EPG5: variants seen among roughly 807,000 people sequenced by gnomAD.
EPG5 encodes ectopic P-granules 5 autophagy tethering factor, also known as ectopic P granules protein 5 homolog.
Under a neutral mutation model 302.7 loss-of-function variants are expected in EPG5, and 159 were observed. The observed-to-expected ratio is 0.53, with a 90% CI of 0.46 to 0.60. The LOEUF is 0.60. Among genes scored for constraint, EPG5 ranks in the 20% least tolerant of loss-of-function variants. The pLI is 0.00. For missense variants in EPG5, 2,896 were observed against 3,092.4 expected (o/e 0.94, Z 1.51); for synonymous variants, 1,158 against 1,136.8 (o/e 1.02, Z -0.37).
rs756684551 is a variant in EPG5, at chr18:45,967,183, T to C, written c.57A>G (p.Lys19=). 36 of 1,603,114 alleles carry C rather than the reference T, an allele frequency of 2.2e-5. 1 individual carries two copies. In the African/African-American group the frequency reaches 3.1e-4, roughly 14 times the overall value. The change falls in exon 1 of 44, where the codon AAA becomes AAG. Residue 19 remains lysine, a synonymous_variant. Transcript: ENST00000282041. ...RRAKAKASRT[K]TKEKKKYETP... ...GGGTGGGGGAGATCCTCACCTTTGT[T>C]TTAGTCCGGCTGGCCTTGGCCTTGG... is the stretch of plus-strand genomic sequence containing the variant.
chr18:45,837,087 C>T, the EPG5 span: 2 of 1,612,382 alleles, frequency 1.2e-6, no homozygotes, highest in African/African-American at 1.3e-5. Context: ...CAGAGGTGCA[C>T]AGTAAGTGCT....
At position 45,857,773 on chromosome 18, in the gene EPG5, G is replaced by A. The variant is rs566830711; in HGVS notation, c.7442+80C>T. On this transcript the variant is annotated intron_variant, in intron 42 of 43. Coordinates refer to ENST00000282041, the MANE Select transcript of EPG5 (RefSeq NM_020964.3). The stretch of plus-strand genomic sequence containing the variant: ...TAGATCCTAAGTCGAAAAACCTACT[G>A]AAGTATATCACAACCTGTAAGTAGG... 1.5e-4 allele frequency: 163 copies of A among 1,091,998 alleles called. No homozygotes were observed. In the African/African-American group the frequency reaches 1.9e-3, roughly 12 times the overall value. 67.6% of individuals were successfully genotyped at this position (1,091,998 alleles called of 1,614,324 possible). A position where few individuals can be genotyped will look rare whatever the true frequency, so the allele number is the denominator to read the frequency against.
At chr18:45,838,827 G>C in the EPG5 span, 1 of 1,563,838 alleles carries the variant, frequency 6.4e-7, no homozygotes, top group Admixed American at 1.8e-5. Flanking sequence ...GGTCCGGCCC[G>C]GCCCTGGGCA....
intron 21 of EPG5, among the ~76,000 whole-genome samples, chr18:45,912,777 G>T (rs1335676771): frequency 6.6e-6 from 1 of 152,158 alleles, no homozygotes; most frequent in Non-Finnish European, 1.5e-5. Flanking sequence ...TAGTGCAAGG[G>T]AATAGAAAGA....
At chr18:45,913,909 A>G (rs2049969239) in intron 20 of EPG5, 81 bp from the exon 21 acceptor site, 1 of 1,531,034 alleles carries the variant, frequency 6.5e-7, no homozygotes, top group African/African-American at 1.4e-5. Flanking sequence ...CCACAATTTA[A>G]ATCTCTTCCT....
intron 42 of EPG5, among the ~76,000 whole-genome samples, chr18:45,856,404 T>C (rs1014944487): frequency 1.3e-3 from 200 of 152,314 alleles, no homozygotes; most frequent in African/African-American, 4.6e-3. Context: ...TTAAAGGGAA[T>C]GGAGGTGACT....
chr18:45,911,051 G>GAATC (rs1259738843), intron 22 of EPG5, among the ~76,000 whole-genome samples: 1 of 143,028 alleles, frequency 7.0e-6, no homozygotes, highest in Non-Finnish European at 1.5e-5. Flanking sequence ...AAGCGACTAA[G>GAATC]AATCTATCTA....
chr18:45,860,062 GA>G, intron 40 of EPG5, 41 bp downstream of exon 40: 2 of 1,605,806 alleles, frequency 1.2e-6, no homozygotes, highest in Non-Finnish European at 1.7e-6. Context: ...CATCTTTCTG[GA>G]AAAGACCAAT....
intron 31 of EPG5, 89 bp from the exon 32 acceptor site, chr18:45,880,312 G>A: frequency 8.0e-7 from 1 of 1,251,768 alleles, no homozygotes; most frequent in Non-Finnish European, 1.1e-6. Flanking sequence ...CCTTATAAAG[G>A]AATAAAAATA....
chr18:45,897,900 C>A (rs1267928091), intron 27 of EPG5, among the ~76,000 whole-genome samples: 5 of 152,046 alleles, frequency 3.3e-5, no homozygotes, highest in Non-Finnish European at 5.9e-5. Context: ...GAAAGACAAA[C>A]AAGAGGGAGT....
chr18:45,839,106 C>G, the EPG5 span: 7 of 1,378,896 alleles, frequency 5.1e-6, no homozygotes, highest in Non-Finnish European at 5.6e-6. Flanking sequence ...GTGGGTGCGC[C>G]CCAGACACGG....
the EPG5 span, among the ~76,000 whole-genome samples, chr18:45,804,968 ATTGCAAGGT>A: frequency 6.6e-6 from 1 of 152,168 alleles, no homozygotes; most frequent in East Asian, 1.9e-4. Context: ...GACCTATACG[ATTGCAAGGT>A]TTGCATATTT....
At chr18:45,814,154 A>C in the EPG5 span, among the ~76,000 whole-genome samples, 1 of 152,186 alleles carries the variant, frequency 6.6e-6, no homozygotes, top group Non-Finnish European at 1.5e-5. Context: ...CACCAATAAC[A>C]AGCCAGACAG....
At chr18:45,921,738 C>T (rs2050157794) in intron 16 of EPG5, among the ~76,000 whole-genome samples, 1 of 152,012 alleles carries the variant, frequency 6.6e-6, no homozygotes, top group Non-Finnish European at 1.5e-5. Flanking sequence ...CACATGTTCT[C>T]ACTCATAGGT....
the EPG5 span, among the ~76,000 whole-genome samples, chr18:45,816,655 C>T: frequency 1.3e-5 from 2 of 152,200 alleles, no homozygotes; most frequent in African/African-American, 4.8e-5. Context: ...AGAGGGAACA[C>T]TTCCACGCTG....
rs753791472 is a variant in EPG5 at position 45,879,185 on chromosome 18, G to A, written c.5697C>T (p.Asp1899=). 3.2e-5 allele frequency: 52 copies of A among 1,613,558 alleles called. No individual in the cohort carries two copies. Among genetic ancestry groups the A allele is most frequent in the Non-Finnish European group, 4.3e-5 (51 of 1,179,892 alleles). The change falls in exon 33 of 44, where the codon GAC becomes GAT. Residue 1899 remains aspartate, a synonymous_variant. Transcript: ENST00000282041. ...QVMETIQWLS[D]FFYKLRLSKM... ...TGGATAACCGAAGCTTATAAAAAAA[G>A]TCTGAAAGCCACTGTATAGTCTCCA... is the stretch of plus-strand genomic sequence containing the variant.
At chr18:45,902,975 C>T (rs777052179) in intron 25 of EPG5, among the ~76,000 whole-genome samples, 6 of 152,144 alleles carry the variant, frequency 3.9e-5, no homozygotes, top group Non-Finnish European at 7.3e-5. Context: ...TCGGAACAAA[C>T]GAAGGGCTTC....
At chr18:45,951,013 T>TG in intron 4 of EPG5, 89 bp downstream of exon 4, 1 of 1,100,740 alleles carries the variant, frequency 9.1e-7, no homozygotes, top group Non-Finnish European at 1.2e-6. Context: ...CTGAAAAAGT[T>TG]GAAGACCAAA....
intron 19 of EPG5, 94 bp downstream of exon 19, chr18:45,915,915 A>G: frequency 8.8e-7 from 1 of 1,131,152 alleles, no homozygotes; most frequent in East Asian, 2.6e-5. Flanking sequence ...ATGGCCACAG[A>G]GTAGAACTGA....
Sources: gnomAD v4.1 joint callset for allele counts (sites outside exome capture counted in the v4.1 genomes callset) on GRCh38, gnomAD v4.1.1 for gene constraint, MANE v1.5 for transcripts, NCBI Gene and HGNC (gene_info 2026-07-23, HGNC 2026-07-21) for gene names.